NIPBL: variants seen among roughly 807,000 people sequenced by gnomAD.
NIPBL encodes NIPBL cohesin loading factor, also known as nipped-B-like protein.
A neutral mutation model predicts 321.8 loss-of-function variants in NIPBL; 19 were observed. The observed-to-expected ratio is 0.06, with a 90% CI of 0.04 to 0.09. The LOEUF (loss-of-function observed/expected upper bound fraction) is 0.09. NIPBL is among the 10% of genes least tolerant of loss of function. The probability of loss-of-function intolerance (pLI) is 1.00; values close to 1 mark genes in which losing one functional copy is unlikely to be tolerated. For missense variants in NIPBL, 2,210 were observed against 3,327.0 expected, an observed-to-expected ratio of 0.66 and a Z score of 8.26; for synonymous variants, 1,106 against 1,114.1, an observed-to-expected ratio of 0.99 and a Z score of 0.14.
At chr5:37,032,432 T>TA (rs529580090) in intron 32 of NIPBL, among the ~76,000 whole-genome samples, 14 of 138,910 alleles carry the variant, frequency 1.0e-4, no homozygotes, top group South Asian at 2.3e-4. Flanking sequence ...TGTGTGTGTG[T>TA]GTGTGTAGTG....
At chr5:36,971,123 A>T (rs1017525235) in intron 7 of NIPBL, 87 bp downstream of exon 7, 22 of 1,042,050 alleles carry the variant, frequency 2.1e-5, no homozygotes, top group Non-Finnish European at 2.4e-5. Flanking sequence ...TTTGAATGAT[A>T]CCTACCGTAT....
At chr5:36,954,667 T>TAGGG (rs1370352425) in intron 2 of NIPBL, among the ~76,000 whole-genome samples, 12 of 152,172 alleles carry the variant, frequency 7.9e-5, no homozygotes, top group Non-Finnish European at 1.5e-4. Context: ...CAGGAAGCCC[T>TAGGG]GTTCATTAAG....
intron 34 of NIPBL, among the ~76,000 whole-genome samples, chr5:37,040,142 A>AC (rs1752170488): frequency 6.6e-6 from 1 of 151,996 alleles, no homozygotes; most frequent in Non-Finnish European, 1.5e-5. Context: ...CTATAATGAA[A>AC]CCTGTTATAT....
Position 36,976,146 on chromosome 5 carries a change from A to C in NIPBL, c.1239A>C (p.Pro413=). The stretch of plus-strand genomic sequence containing the variant: ...TTACTCCACAAGATATAAACCGCCC[A>C]CTAAATGCTGCTCAATGTTTGTCGC... ...TPITPQDINR[P]LNAAQCLSQQ... The change falls in exon 9 of 47, where the codon CCA becomes CCC. Residue 413 remains proline (P), a synonymous_variant. Coordinates refer to ENST00000282516, the MANE Select transcript of NIPBL (RefSeq NM_133433.4). 6.2e-7 allele frequency: 1 copy of C among 1,613,510 alleles called. No individual in the cohort carries two copies. Among genetic ancestry groups the C allele is most frequent in the South Asian group, 1.1e-5 (1 of 91,020 alleles).
At chr5:36,893,922 C>A (rs958368724) in intron 1 of NIPBL, among the ~76,000 whole-genome samples, 1 of 152,100 alleles carries the variant, frequency 6.6e-6, no homozygotes, top group Non-Finnish European at 1.5e-5. Flanking sequence ...TACAGCCTAC[C>A]AGCAGTACTT....
At chr5:36,898,602 C>G (rs1746960776) in intron 1 of NIPBL, among the ~76,000 whole-genome samples, 1 of 151,372 alleles carries the variant, frequency 6.6e-6, no homozygotes, top group Non-Finnish European at 1.5e-5. Context: ...ACCTCCGCCT[C>G]CCAGGTTCAA....
At chr5:37,022,884 T>C (rs1362816494) in intron 29 of NIPBL, among the ~76,000 whole-genome samples, 1 of 152,218 alleles carries the variant, frequency 6.6e-6, no homozygotes, top group Non-Finnish European at 1.5e-5. Flanking sequence ...CAAAAGTCCA[T>C]TGAGGTTTAA....
At chr5:36,949,340 ATTG>A (rs1561065644) in intron 1 of NIPBL, among the ~76,000 whole-genome samples, 1 of 151,848 alleles carries the variant, frequency 6.6e-6, no homozygotes, top group Non-Finnish European at 1.5e-5. Flanking sequence ...TACTAATAAT[ATTG>A]TTATACATTT....
chr5:36,922,637 G>A (rs1401433175), intron 1 of NIPBL, among the ~76,000 whole-genome samples: 3 of 152,164 alleles, frequency 2.0e-5, no homozygotes, highest in Non-Finnish European at 4.4e-5. Flanking sequence ...GTTTTAGAAA[G>A]TCCTGGATTT....
In NIPBL at chr5:37,051,898, A is replaced by G; in HGVS notation, c.7062+12A>G. ...CTGGATTCATTCATGTATGTATTTT[A>G]ACATTTTATAACCTAAATTTAAACA... is the stretch of plus-strand genomic sequence containing the variant. On this transcript the variant is annotated intron_variant, in intron 41 of 46. Transcript: ENST00000282516. The G allele has an allele frequency of 6.5e-7, 1 of 1,546,938 alleles. No homozygotes were observed. The highest frequency in any genetic ancestry group is 2.2e-5 in the East Asian group (1 of 44,570).
At chr5:37,057,082 C>A in intron 42 of NIPBL, 104 bp from the exon 43 acceptor site, 1 of 1,093,522 alleles carries the variant, frequency 9.1e-7, no homozygotes, top group Non-Finnish European at 1.3e-6. Flanking sequence ...CTCTGTCTAA[C>A]ATTAAGTGAG....
chr5:36,916,363 C>T (rs1280299649), intron 1 of NIPBL, among the ~76,000 whole-genome samples: 1 of 152,200 alleles, frequency 6.6e-6, no homozygotes, highest in Non-Finnish European at 1.5e-5. Context: ...AATTAATTAG[C>T]ATCTGACTAA....
chr5:37,062,062 A>C (rs1302213676), intron 45 of NIPBL, among the ~76,000 whole-genome samples: 1 of 152,030 alleles, frequency 6.6e-6, no homozygotes, highest in Non-Finnish European at 1.5e-5. Flanking sequence ...GGCTGGTCTC[A>C]AACTCCTGAC....
At chr5:37,013,048 C>T (rs1157833989) in intron 21 of NIPBL, among the ~76,000 whole-genome samples, 2 of 150,706 alleles carry the variant, frequency 1.3e-5, no homozygotes, top group Non-Finnish European at 3.0e-5. Flanking sequence ...GGGCTGACCC[C>T]CCCCCACCTC....
intron 1 of NIPBL, among the ~76,000 whole-genome samples, chr5:36,907,860 C>A (rs1483247898): frequency 6.6e-6 from 1 of 152,088 alleles, no homozygotes; most frequent in Non-Finnish European, 1.5e-5. Flanking sequence ...AAGAATAATT[C>A]ACACAAGTGA....
chr5:36,938,074 C>A (rs1738642168), intron 1 of NIPBL, among the ~76,000 whole-genome samples: 2 of 152,052 alleles, frequency 1.3e-5, no homozygotes, highest in Non-Finnish European at 2.9e-5. Flanking sequence ...TTTCCTTGCC[C>A]CCTGACTTTG....
rs1431858266 is a variant in NIPBL at position 37,016,180 on chromosome 5, T to A, written c.4776+10T>A. ...GTTAGGGAGACTGTTGGTAAGAGTATAGCATTTAAAGATTATTAGATTACT... is the reference window on the plus strand; with the variant it reads ...GTTAGGGAGACTGTTGGTAAGAGTAAAGCATTTAAAGATTATTAGATTACT... On this transcript the variant is annotated intron_variant, in intron 23 of 46. Coordinates refer to ENST00000282516, the MANE Select transcript of NIPBL (RefSeq NM_133433.4). The A allele has an allele frequency of 6.2e-7, 1 of 1,612,826 alleles. No homozygotes were observed. The highest frequency in any genetic ancestry group is 1.3e-5 in the African/African-American group (1 of 74,918).
chr5:37,029,842 C>T (rs943252385), intron 32 of NIPBL, among the ~76,000 whole-genome samples: 6 of 152,032 alleles, frequency 3.9e-5, no homozygotes, highest in African/African-American at 1.4e-4. Context: ...AGACTGTCTT[C>T]TTAAATCATC....
intron 21 of NIPBL, among the ~76,000 whole-genome samples, chr5:37,012,456 ATTTTTT>A (rs763144789): frequency 9.3e-6 from 1 of 107,208 alleles, no homozygotes; most frequent in African/African-American, 4.0e-5. Context: ...TCTTTCTCCA[ATTTTTT>A]TTTTTTTTTT....
Sources: allele counts gnomAD v4.1 joint callset (sites outside exome capture counted in the v4.1 genomes callset), GRCh38; gene constraint gnomAD v4.1.1; transcripts MANE v1.5; gene names NCBI Gene and HGNC (gene_info 2026-07-23, HGNC 2026-07-21).